TYK2: variants seen among roughly 807,000 people sequenced by gnomAD.
TYK2 encodes the protein tyrosine kinase 2.
TYK2 carries 65 observed loss-of-function variants against 130.9 expected under a neutral mutation model. The ratio of observed to expected loss-of-function variants is 0.50; its 90% CI spans 0.41 to 0.61. TYK2 has a LOEUF of 0.61. TYK2 is among the 20% of genes least tolerant of loss of function. The pLI is 0.00. For missense variants in TYK2, 1,378 were observed against 1,610.7 expected (o/e 0.86, Z 2.47); for synonymous variants, 647 against 658.9 (o/e 0.98, Z 0.28).
At position 10,352,444 on chromosome 19, in the gene TYK2, C is replaced by G. The variant is rs757843261; in HGVS notation, c.3308G>C (p.Ser1103Thr). 68 of 1,608,666 alleles carry G rather than the reference C, an allele frequency of 4.2e-5. No homozygotes were observed. The highest frequency in any genetic ancestry group is 5.4e-5 in the Non-Finnish European group (64 of 1,176,566). Residue 1103 changes from serine to threonine, a missense_variant, in exon 23 of 25, where the codon AGC becomes ACC. Transcript: ENST00000525621. ...ELLTHCDSSQ[S>T]PPTKFLELIG... The stretch of plus-strand genomic sequence containing the variant: ...GGGCCTGGCTCTCACCGTGGGGGGG[C>G]TCTGGCTGGAGTCACAGTGCGTCAG...
At position 10,353,439 on chromosome 19, in the gene TYK2, C is replaced by T; in HGVS notation, c.3027+89G>A. 2.2e-6 allele frequency: 2 copies of T among 916,302 alleles called. No homozygotes were observed. Among genetic ancestry groups the T allele is most frequent in the Non-Finnish European group, 3.2e-6 (2 of 632,102 alleles). The allele number at this position is 916,302 out of a possible 1,614,324, so 56.8% of individuals were successfully genotyped here. A position where few individuals can be genotyped will look rare whatever the true frequency, so the allele number is the denominator to read the frequency against. On this transcript the variant is annotated intron_variant, in intron 21 of 24. Transcript: ENST00000525621. The surrounding 1 kb of genome is among the most constrained non-coding windows in gnomAD (Gnocchi z 6.9). ...CCTGGGCAAACGAGCAGGGGCGGAG[C>T]GTGAGAGCAGACTGCACCGGATCGC... is the stretch of plus-strand genomic sequence containing the variant.
chr19:10,354,219 C>T lies in TYK2; in HGVS notation c.2731G>A (p.Val911Ile). ...RDLGEGHFGK[V>I]SLYCYDPTND... Reference sequence around the variant, plus strand: ...GTCGGATCGTAGCAGTACAAGCTGACCTTGCCGAAGTGACCCTGGTCGGGA... The same window carrying T: ...GTCGGATCGTAGCAGTACAAGCTGATCTTGCCGAAGTGACCCTGGTCGGGA... The change falls in exon 20 of 25, where the codon GTC (valine) becomes ATC (isoleucine). Residue 911 changes from valine (V) to isoleucine (I), a missense_variant. Physicochemically the swap from Val to Ile is conservative, Grantham distance 29. Coordinates refer to ENST00000525621, the MANE Select transcript of TYK2 (RefSeq NM_003331.5). 1 of 1,612,878 alleles carries T rather than the reference C, an allele frequency of 6.2e-7. No homozygotes were observed. Among genetic ancestry groups the T allele is most frequent in the Non-Finnish European group, 8.5e-7 (1 of 1,180,024 alleles).
chr19:10,377,482 G>A (rs550410480), intron 3 of TYK2, among the ~76,000 whole-genome samples: 317 of 135,482 alleles, frequency 2.3e-3, no homozygotes, highest in African/African-American at 8.2e-3. Flanking sequence ...GTGGGTGGAT[G>A]GATGGATGCA....
chr19:10,379,219 C>G (rs2145379774), intron 2 of TYK2, among the ~76,000 whole-genome samples: 1 of 151,756 alleles, frequency 6.6e-6, no homozygotes, highest in Admixed American at 6.6e-5. Context: ...CTCCAAGCTA[C>G]TCGGGAGGCT....
In TYK2 at chr19:10,357,018, C is replaced by A. The variant is rs1260095492; in HGVS notation, c.2467-300G>T. On this transcript the variant is annotated intron_variant, in intron 17 of 24. Coordinates refer to ENST00000525621, the MANE Select transcript of TYK2 (RefSeq NM_003331.5). The stretch of plus-strand genomic sequence containing the variant: ...GCTCCTTAATACACTGAAGCCTCAG[C>A]CTTTGCACAGGCCATGCACTCTGCC... 10 of 484,846 alleles carry A rather than the reference C, an allele frequency of 2.1e-5. No individual in the cohort carries two copies. In the Admixed American group the frequency reaches 3.3e-4, roughly 16 times the overall value. The allele number at this position is 484,846 out of a possible 1,614,324, so 30.0% of individuals were successfully genotyped here.
chr19:10,365,488 C>T, intron 7 of TYK2, 29 bp downstream of exon 7: 2 of 1,612,686 alleles, frequency 1.2e-6, no homozygotes, highest in East Asian at 4.5e-5. Flanking sequence ...CAACCTGAAC[C>T]CCCAGGGCGG....
rs538211205 is a variant in TYK2, at chr19:10,371,896, A to C, written c.194-3478T>G. On this transcript the variant is annotated intron_variant, in intron 3 of 24. Transcript: ENST00000525621. ...AAACAAGGCGGCTCTAAACATTCTCATAAGTGTCCCTGGGAGCACATGAGC... is the reference window on the plus strand; with the variant it reads ...AAACAAGGCGGCTCTAAACATTCTCCTAAGTGTCCCTGGGAGCACATGAGC... Among the ~76,000 whole-genome samples, 39 of 152,264 alleles carry C rather than the reference A, an allele frequency of 2.6e-4. No homozygotes were observed. In the South Asian group the frequency reaches 3.7e-3, roughly 15 times the overall value.
At position 10,353,570 on chromosome 19, in the gene TYK2, G is replaced by A. The variant is rs147442318; in HGVS notation, c.2985C>T (p.Ile995=). 388 of 1,498,026 alleles carry A rather than the reference G, an allele frequency of 2.6e-4. 3 individuals are homozygous for A. The highest frequency in any genetic ancestry group is 6.1e-5 in the Non-Finnish European group (68 of 1,119,624). The allele number at this position is 1,498,026 out of a possible 1,614,324, so 92.8% of individuals were successfully genotyped here. Residue 995 remains isoleucine, a synonymous_variant, in exon 21 of 25, where the codon ATC becomes ATT. Transcript: ENST00000525621. The surrounding 1 kb of genome is among the most constrained non-coding windows in gnomAD (Gnocchi z 6.9). ...CGAAGAGCAGCAGCTGGGCCAGCCC[G>A]ATGCTGTGCCGGGGCAGGTAGTCTC... ...SLRDYLPRHS[I]GLAQLLLFAQ...
In TYK2 at chr19:10,368,040, C is replaced by T. The variant is rs779315847; in HGVS notation, c.465+15G>A. 2 of 1,614,046 alleles carry T rather than the reference C, an allele frequency of 1.2e-6. No homozygotes were observed. The highest frequency in any genetic ancestry group is 1.7e-6 in the Non-Finnish European group (2 of 1,180,028). On this transcript the variant is annotated intron_variant, in intron 5 of 24. Coordinates refer to ENST00000525621, the MANE Select transcript of TYK2 (RefSeq NM_003331.5). ...TCTCCCACAAATAGTCTTGCCACCCCAGCCCTGCTCATACCTGCTCAAAGA... is the reference window on the plus strand; with the variant it reads ...TCTCCCACAAATAGTCTTGCCACCCTAGCCCTGCTCATACCTGCTCAAAGA...
chr19:10,354,727 CTT>C, intron 18 of TYK2, 118 bp from the exon 19 acceptor site: 1 of 810,370 alleles, frequency 1.2e-6, no homozygotes, highest in South Asian at 1.4e-5. Context: ...GGTAAGAAAA[CTT>C]TTTCCTGCAA....
chr19:10,372,342 G>A (rs1249189062), intron 3 of TYK2, among the ~76,000 whole-genome samples: 1 of 142,890 alleles, frequency 7.0e-6, no homozygotes, highest in Non-Finnish European at 1.5e-5. Flanking sequence ...CATATAGGCT[G>A]GAATACAGTG....
chr19:10,365,084 G>A lies in TYK2; in HGVS notation c.1012-36C>T, dbSNP rs12720270. On this transcript the variant is annotated intron_variant, in intron 7 of 24. Coordinates refer to ENST00000525621, the MANE Select transcript of TYK2 (RefSeq NM_003331.5). The stretch of plus-strand genomic sequence containing the variant: ...AGCAAGTGGGGCAGAGGATGGAGAG[G>A]GCAATGCCCGTTTATACCTCCTGCA... 0.19 allele frequency: 299,817 copies of A among 1,565,406 alleles called. 31,415 individuals carry two copies. Among genetic ancestry groups the A allele is most frequent in the East Asian group, 0.43 (18,945 of 44,056 alleles).
rs768580902 is a variant in TYK2, at chr19:10,351,122, G to A, written c.3359C>T (p.Thr1120Ile). ...ELIGIAQGQM[T>I]VLRLTELLER... ...CAGCAACTCAGTGAGTCTCAGAACT[G>A]TCATCTGACCCTGAGCAATGCCTAT... Residue 1120 changes from threonine (T) to isoleucine (I), a missense_variant, in exon 24 of 25, where the codon ACA becomes ATA. Physicochemically the swap from Thr to Ile is moderately conservative, Grantham distance 89 (BLOSUM62 -1). Coordinates refer to ENST00000525621, the MANE Select transcript of TYK2 (RefSeq NM_003331.5). 5.0e-6 allele frequency: 8 copies of A among 1,614,100 alleles called. No individual in the cohort carries two copies. The highest frequency in any genetic ancestry group is 5.1e-6 in the Non-Finnish European group (6 of 1,180,038).
intron 9 of TYK2, among the ~76,000 whole-genome samples, chr19:10,363,646 G>C (rs143568667): frequency 1.3e-5 from 2 of 152,150 alleles, no homozygotes; most frequent in African/African-American, 2.4e-5. Context: ...AAAGGACAAC[G>C]ATCCCAGACA....
chr19:10,365,539 T>C lies in TYK2; in HGVS notation c.989A>G (p.Glu330Gly), dbSNP rs1474898906. The change falls in exon 7 of 25, where the codon GAG becomes GGG. Residue 330 changes from glutamate (E) to glycine (G), a missense_variant. Coordinates refer to ENST00000525621, the MANE Select transcript of TYK2 (RefSeq NM_003331.5). ...GTGGIQWWPV[E>G]EEVNKEEGSS... is the part of the protein sequence containing the mutation. ...CACCTCCTCCTTGTTCACCTCCTCC[T>C]CTACTGGCCACCACTGGATGCCACC... is the stretch of plus-strand genomic sequence containing the variant. 1 of 1,613,974 alleles carries C rather than the reference T, an allele frequency of 6.2e-7. No individual in the cohort carries two copies. Among genetic ancestry groups the C allele is most frequent in the Non-Finnish European group, 8.5e-7 (1 of 1,179,986 alleles).
chr19:10,365,275 C>T (rs1157862475), intron 7 of TYK2, among the ~76,000 whole-genome samples: 2 of 152,170 alleles, frequency 1.3e-5, no homozygotes, highest in African/African-American at 4.8e-5. Context: ...CCCCCTCACA[C>T]CCAGGTGCCA....
At position 10,353,931 on chromosome 19, in the gene TYK2, T is replaced by C; in HGVS notation, c.2908+111A>G. The C allele has an allele frequency of 1.7e-6, 2 of 1,184,406 alleles. No individual in the cohort carries two copies. Among genetic ancestry groups the C allele is most frequent in the Non-Finnish European group, 2.5e-6 (2 of 812,774 alleles). 73.4% of individuals were successfully genotyped at this position (1,184,406 alleles called of 1,614,324 possible). A position where few individuals can be genotyped will look rare whatever the true frequency, so the allele number is the denominator to read the frequency against. On this transcript the variant is annotated intron_variant, in intron 20 of 24. Transcript: ENST00000525621. This position sits in a 1 kb window ranked among gnomAD's most constrained non-coding sequence, Gnocchi z 6.9. ...ATGCCAAGAACCGCGTACTGCAGCC[T>C]GGGGTTGAGAGTCTCTAATTGGCTA...
At position 10,352,429 on chromosome 19, in the gene TYK2, C is replaced by T. The variant is rs762508451; in HGVS notation, c.3318+5G>A. Reference sequence around the variant, plus strand: ...TCCCGGTGGGGCTGCGGGCCTGGCTCTCACCGTGGGGGGGCTCTGGCTGGA... The same window carrying T: ...TCCCGGTGGGGCTGCGGGCCTGGCTTTCACCGTGGGGGGGCTCTGGCTGGA... On this transcript the variant is annotated splice_donor_5th_base_variant and intron_variant, in intron 23 of 24. Coordinates refer to ENST00000525621, the MANE Select transcript of TYK2 (RefSeq NM_003331.5). The T allele has an allele frequency of 1.4e-5, 22 of 1,599,644 alleles. No individual in the cohort carries two copies. Among genetic ancestry groups the T allele is most frequent in the Non-Finnish European group, 1.8e-5 (21 of 1,167,748 alleles).
At chr19:10,356,922 T>C in intron 17 of TYK2, 1 of 620,736 alleles carries the variant, frequency 1.6e-6, no homozygotes, top group Non-Finnish European at 2.9e-6. Context: ...GGTCCAGTGA[T>C]TATGCAGAGC....
Sources: gnomAD v4.1 joint callset for allele counts (sites outside exome capture counted in the v4.1 genomes callset) on GRCh38, gnomAD v4.1.1 for gene constraint, Gnocchi (gnomAD v3.1) non-coding constraint, MANE v1.5 for transcripts, NCBI Gene and HGNC (gene_info 2026-07-23, HGNC 2026-07-21) for gene names.